The following GK variants were observed in gnomAD, a reference collection of about 807,000 sequenced individuals.
GK encodes ATP:glycerol 3-phosphotransferase.
Under a neutral mutation model 56.4 loss-of-function variants are expected in GK, and 9 were observed. That is an observed-to-expected ratio of 0.16 (90% CI 0.10 to 0.28). The LOEUF (loss-of-function observed/expected upper bound fraction) is 0.28, where lower values mean the gene tolerates loss of function less well. Among genes scored for constraint, GK ranks in the 10% least tolerant of loss-of-function variants. The pLI is 1.00. For synonymous variants in GK, 104 were observed against 144.1 expected (o/e 0.72, Z 1.99); for missense variants, 161 against 431.4 (o/e 0.37, Z 5.55).
At chrX:30,662,767 TTCTCTCTC>T (rs367573891) in intron 1 of GK, among the ~76,000 whole-genome samples, 1 of 75,123 alleles carries the variant, frequency 1.3e-5, no homozygotes, top group Admixed American at 1.5e-4. Flanking sequence ...CCTTCCTTCC[TTCTCTCTC>T]TCTCTCTCTC....
chrX:30,698,241 G>C (rs1463423783), intron 9 of GK: 1 of 114,038 alleles, frequency 8.8e-6, no homozygotes, highest in African/African-American at 3.2e-5. Context: ...AGATCCTGTT[G>C]ATAGTTTGTT....
intron 19 of GK, among the ~76,000 whole-genome samples, chrX:30,725,755 G>A (rs759711216): frequency 6.3e-5 from 7 of 110,890 alleles, no homozygotes; most frequent in Admixed American, 9.6e-5. Context: ...GAGTTCAAGC[G>A]ATTCTCCTGC....
intron 1 of GK, 23 bp from the exon 2 acceptor site, chrX:30,665,488 T>C: frequency 1.1e-6 from 1 of 915,612 alleles, no homozygotes; most frequent in African/African-American, 1.9e-5. Flanking sequence ...ATTTTTACAT[T>C]AATATTACAA....
intron 4 of GK, chrX:30,689,518 A>G: frequency 3.0e-6 from 1 of 331,434 alleles, no homozygotes; most frequent in Non-Finnish European, 5.9e-6. Context: ...CCAGACTCAG[A>G]CAGTATCACC....
chrX:30,684,773 C>T (rs1311659799), intron 4 of GK, among the ~76,000 whole-genome samples: 1 of 108,212 alleles, frequency 9.2e-6, no homozygotes, highest in African/African-American at 3.4e-5. Context: ...AAACCACCCA[C>T]AAAAAATATT....
At position 30,730,054 on chromosome X, in the gene GK, C is replaced by A. The variant is rs1483894594; in HGVS notation, c.*1312C>A. 3.6e-5 allele frequency: 4 copies of A among 112,218 alleles called. No homozygotes were observed. The highest frequency in any genetic ancestry group is 7.5e-5 in the Non-Finnish European group (4 of 53,159). 9.2% of individuals were successfully genotyped at this position (112,218 alleles called of 1,213,427 possible). ...ATAACTGAAAGAAGGTTTATCATTA[C>A]AAATACCTTCCAATGAAACCAAGAA... On this transcript the variant is annotated 3_prime_UTR_variant, in exon 21 of 21. Coordinates refer to ENST00000427190, the MANE Select transcript of GK (RefSeq NM_001205019.2).
At chrX:30,672,159 C>CAG (rs758863416) in intron 3 of GK, 1 of 21,170 alleles carries the variant, frequency 4.7e-5, no homozygotes, top group African/African-American at 2.1e-4. Flanking sequence ...AACTCCATCT[C>CAG]AAAAAAAAAA....
At chrX:30,656,655 T>C (rs1932308095) in intron 1 of GK, among the ~76,000 whole-genome samples, 1 of 111,433 alleles carries the variant, frequency 9.0e-6, no homozygotes, top group Non-Finnish European at 1.9e-5. Flanking sequence ...TCTTATTACC[T>C]TCCCCCTTGT....
chrX:30,711,952 G>A (rs951776557), intron 13 of GK, among the ~76,000 whole-genome samples: 1 of 111,574 alleles, frequency 9.0e-6, no homozygotes, highest in Admixed American at 9.5e-5. Flanking sequence ...ACTTAAATGT[G>A]CAGCCCTGAA....
Position 30,700,824 on chromosome X carries a change from A to G in GK, c.784-14A>G, listed in dbSNP as rs781124800. The G allele has an allele frequency of 1.2e-5, 14 of 1,124,565 alleles. No individual in the cohort carries two copies. In the Admixed American group the frequency reaches 3.1e-4, roughly 25 times the overall value. 92.7% of individuals were successfully genotyped at this position (1,124,565 alleles called of 1,213,427 possible). A position where few individuals can be genotyped will look rare whatever the true frequency, so the allele number is the denominator to read the frequency against. ...GTATTAGTCAGTGTTCTTTATTGTC[A>G]TTTATACTTTCAGTGTTTAGGGGAC... is the stretch of plus-strand genomic sequence containing the variant. On this transcript the variant is annotated splice_polypyrimidine_tract_variant and intron_variant, in intron 10 of 20. Transcript: ENST00000427190.
chrX:30,682,592 ATCTT>A (rs1485693737), intron 4 of GK, among the ~76,000 whole-genome samples: 1 of 112,426 alleles, frequency 8.9e-6, no homozygotes, highest in Non-Finnish European at 1.9e-5. Flanking sequence ...ATAATATTAA[ATCTT>A]TAGCAGTTTT....
At chrX:30,704,128 T>TTA (rs752736589) in intron 11 of GK, among the ~76,000 whole-genome samples, 25,060 of 74,769 alleles carry the variant, frequency 0.34, 3,473 homozygotes, top group Middle Eastern at 0.5. Context: ...GTTATTCATT[T>TTA]TATATATATA....
At chrX:30,696,721 A>C (rs766386588) in intron 8 of GK, 38 bp downstream of exon 8, 55 of 1,010,222 alleles carry the variant, frequency 5.4e-5, no homozygotes, top group Non-Finnish European at 7.3e-5. Flanking sequence ...CACACCAAAA[A>C]ACCAAAAAAC....
chrX:30,697,682 A>G, intron 8 of GK, 50 bp from the exon 9 acceptor site: 1 of 913,879 alleles, frequency 1.1e-6, no homozygotes, highest in South Asian at 2.0e-5. Context: ...TTTCTCTTGT[A>G]TTTAAAATAT....
intron 1 of GK, among the ~76,000 whole-genome samples, chrX:30,662,831 C>CTT (rs1333159415): frequency 0.023 from 179 of 7,640 alleles, 1 homozygote; most frequent in South Asian, 0.074. Flanking sequence ...CTCTCTCTCT[C>CTT]TCTTTCTTTC....
At position 30,730,825 on chromosome X, in the gene GK, A is replaced by T. The variant is rs957468266; in HGVS notation, c.*2083A>T. 1 of 111,422 alleles carries T rather than the reference A, an allele frequency of 9.0e-6. No individual in the cohort carries two copies. Among genetic ancestry groups the T allele is most frequent in the African/African-American group, 3.3e-5 (1 of 30,651 alleles). The allele number at this position is 111,422 out of a possible 1,213,427, so 9.2% of individuals were successfully genotyped here. A position where few individuals can be genotyped will look rare whatever the true frequency, so the allele number is the denominator to read the frequency against. On this transcript the variant is annotated 3_prime_UTR_variant, in exon 21 of 21. Coordinates refer to ENST00000427190, the MANE Select transcript of GK (RefSeq NM_001205019.2). ...AAAAAGATGTTTCAGGACATGTGAA[A>T]CTTGGCTGTTAGCGCTTGATAGGGC...
At chrX:30,717,291 CT>C (rs375427534) in intron 13 of GK, among the ~76,000 whole-genome samples, 102 of 102,068 alleles carry the variant, frequency 1.0e-3, no homozygotes, top group Admixed American at 1.2e-3. Flanking sequence ...GCTGATACTT[CT>C]TTTTTTTTTT....
chrX:30,678,970 G>T (rs1468493781), intron 4 of GK, among the ~76,000 whole-genome samples: 1 of 107,816 alleles, frequency 9.3e-6, no homozygotes, highest in Non-Finnish European at 1.9e-5. Flanking sequence ...AAAGTGCTGG[G>T]ATTACAGGTG....
At chrX:30,673,233 T>C (rs1270399940) in intron 3 of GK, among the ~76,000 whole-genome samples, 1 of 111,920 alleles carries the variant, frequency 8.9e-6, no homozygotes, top group East Asian at 2.8e-4. Flanking sequence ...GCAAGAGCAA[T>C]ACGATATATG....
Sources: gnomAD v4.1 joint callset for allele counts (sites outside exome capture counted in the v4.1 genomes callset) on GRCh38, gnomAD v4.1.1 for gene constraint, MANE v1.5 for transcripts, NCBI Gene and HGNC (gene_info 2026-07-23, HGNC 2026-07-21) for gene names.